The following TIMP2 variants were observed in gnomAD, a reference collection of about 807,000 sequenced individuals.
The protein encoded by TIMP2 is TIMP metallopeptidase inhibitor 2.
TIMP2 carries 5 observed loss-of-function variants against 24.3 expected under a neutral mutation model. The ratio of observed to expected loss-of-function variants is 0.21; its 90% confidence interval spans 0.11 to 0.43. The LOEUF (loss-of-function observed/expected upper bound fraction) is 0.43, where lower values mean the gene tolerates loss of function less well. Ranked by LOEUF, TIMP2 falls within the 20% of genes least tolerant of loss-of-function variation. The pLI, the probability that TIMP2 is intolerant of heterozygous loss-of-function variation, is 1.00. For synonymous variants in TIMP2, 130 were observed against 123.2 expected (o/e 1.06, Z -0.37); for missense variants, 221 against 297.5 (o/e 0.74, Z 1.89).
chr17:78,902,292 G>C (rs1174790650), intron 1 of TIMP2, among the ~76,000 whole-genome samples: 1 of 152,236 alleles, frequency 6.6e-6, no homozygotes, highest in Admixed American at 6.5e-5. Flanking sequence ...ATTTTTAGTA[G>C]AGACGGGGAT....
At chr17:78,867,231 G>A (rs1004252251) in intron 3 of TIMP2, among the ~76,000 whole-genome samples, 4 of 152,272 alleles carry the variant, frequency 2.6e-5, no homozygotes, top group South Asian at 4.1e-4. Context: ...TTCCAGCCTG[G>A]GCAACAGAGG....
At chr17:78,915,476 T>C (rs1437979489) in intron 1 of TIMP2, among the ~76,000 whole-genome samples, 3 of 151,870 alleles carry the variant, frequency 2.0e-5, no homozygotes, top group Non-Finnish European at 4.4e-5. Context: ...ATCAGCACCA[T>C]TCTGTTGATG....
intron 4 of TIMP2, chr17:78,856,633 G>C (rs1244900105): frequency 6.6e-6 from 1 of 152,480 alleles, no homozygotes; most frequent in Non-Finnish European, 1.5e-5. Flanking sequence ...AGCCAGCCTG[G>C]GAGCCCTGGA....
At chr17:78,913,589 T>C (rs1330237507) in intron 1 of TIMP2, among the ~76,000 whole-genome samples, 2 of 152,106 alleles carry the variant, frequency 1.3e-5, no homozygotes, top group Non-Finnish European at 2.9e-5. Flanking sequence ...TATGGTCCCA[T>C]AGTTCCAGCT....
rs561437506 is a variant in TIMP2 at position 78,893,258 on chromosome 17, C to T, written c.131-19339G>A. Among the ~76,000 whole-genome samples, 24 of 109,794 alleles carry T rather than the reference C, an allele frequency of 2.2e-4. No homozygotes were observed. In the East Asian group the frequency reaches 6.9e-3, roughly 32 times the overall value. 72.0% of individuals were successfully genotyped at this position (109,794 alleles called of 152,430 possible). On this transcript the variant is annotated intron_variant, in intron 1 of 4. Coordinates refer to ENST00000262768, the MANE Select transcript of TIMP2 (RefSeq NM_003255.5). ...GCATGTGTGTGTAGGAGTGTGTGTG[C>T]AGGGGTGTGTGTGTAGGGGTGTGCG...
At chr17:78,880,181 C>T (rs555589774) in intron 1 of TIMP2, among the ~76,000 whole-genome samples, 2 of 152,336 alleles carry the variant, frequency 1.3e-5, no homozygotes, top group East Asian at 1.9e-4. Context: ...AGAGACGCCA[C>T]GGCTTCTGTG....
At chr17:78,866,626 C>T (rs1039987272) in intron 3 of TIMP2, among the ~76,000 whole-genome samples, 6 of 151,516 alleles carry the variant, frequency 4.0e-5, no homozygotes, top group Non-Finnish European at 8.8e-5. Context: ...AATGGCCAAA[C>T]GGTGGCAACA....
intron 3 of TIMP2, among the ~76,000 whole-genome samples, chr17:78,859,568 C>G (rs962995176): frequency 6.6e-6 from 1 of 152,140 alleles, no homozygotes; most frequent in African/African-American, 2.4e-5. Context: ...GAGACTGAGG[C>G]AGGAGGATCG....
intron 1 of TIMP2, among the ~76,000 whole-genome samples, chr17:78,915,344 C>T (rs1380586578): frequency 6.6e-6 from 1 of 152,156 alleles, no homozygotes; most frequent in Non-Finnish European, 1.5e-5. Context: ...ACAGGCAAAC[C>T]TCATGAACAA....
chr17:78,907,162 T>C (rs9913251), intron 1 of TIMP2, among the ~76,000 whole-genome samples: 2,444 of 150,864 alleles, frequency 0.016, 75 homozygotes, highest in African/African-American at 0.055. Context: ...GCCTCCTGAG[T>C]AGCTAGGACT....
chr17:78,894,852 A>G (rs2069974041), intron 1 of TIMP2, among the ~76,000 whole-genome samples: 1 of 152,222 alleles, frequency 6.6e-6, no homozygotes, highest in Non-Finnish European at 1.5e-5. Context: ...AAAAGGTACC[A>G]TAAGTAAAGT....
chr17:78,915,146 C>T (rs1361204689), intron 1 of TIMP2, among the ~76,000 whole-genome samples: 1 of 152,118 alleles, frequency 6.6e-6, no homozygotes, highest in Non-Finnish European at 1.5e-5. Flanking sequence ...ATCCACCCAC[C>T]TCAGCCTCCC....
At chr17:78,879,264 T>C (rs550611872) in intron 1 of TIMP2, among the ~76,000 whole-genome samples, 4 of 151,954 alleles carry the variant, frequency 2.6e-5, no homozygotes, top group African/African-American at 9.7e-5. Flanking sequence ...GAGAGAGAGC[T>C]CTCCGGAATA....
At chr17:78,913,889 C>A (rs2070230974) in intron 1 of TIMP2, among the ~76,000 whole-genome samples, 1 of 44,222 alleles carries the variant, frequency 2.3e-5, no homozygotes. Flanking sequence ...GAAACTCTGT[C>A]TCGGGGAAAA....
At chr17:78,902,331 C>A (rs958284445) in intron 1 of TIMP2, among the ~76,000 whole-genome samples, 1 of 152,218 alleles carries the variant, frequency 6.6e-6, no homozygotes, top group Non-Finnish European at 1.5e-5. Flanking sequence ...TGGTTACAAA[C>A]TCCTGACCTC....
chr17:78,906,651 C>T (rs1321610986), intron 1 of TIMP2, among the ~76,000 whole-genome samples: 4 of 152,006 alleles, frequency 2.6e-5, no homozygotes, highest in African/African-American at 9.7e-5. Flanking sequence ...GGTGCGATCT[C>T]GGCTCACTGC....
chr17:78,904,942 G>C (rs946241498), intron 1 of TIMP2: 1 of 152,256 alleles, frequency 6.6e-6, no homozygotes, highest in Admixed American at 6.6e-5. Flanking sequence ...TCAAGAGTTT[G>C]AGACCAGGCC....
chr17:78,906,708 G>A (rs1329754627), intron 1 of TIMP2, among the ~76,000 whole-genome samples: 4 of 151,750 alleles, frequency 2.6e-5, no homozygotes, highest in African/African-American at 4.8e-5. Flanking sequence ...TCAGCCTCCC[G>A]AGTAGCTGGG....
chr17:78,862,214 G>C (rs1420642635), intron 3 of TIMP2, among the ~76,000 whole-genome samples: 2 of 152,234 alleles, frequency 1.3e-5, no homozygotes, highest in Non-Finnish European at 2.9e-5. Flanking sequence ...GCCCGCTCAG[G>C]CCATGCGGTC....
Sources: allele counts gnomAD v4.1 joint callset (sites outside exome capture counted in the v4.1 genomes callset), GRCh38; gene constraint gnomAD v4.1.1; transcripts MANE v1.5; gene names NCBI Gene and HGNC (gene_info 2026-07-23, HGNC 2026-07-21).